Variants in VPS54 observed in about 807,000 individuals in gnomAD.
The protein encoded by VPS54 is VPS54 subunit of GARP complex.
VPS54 carries 45 observed loss-of-function variants against 121.5 expected under a neutral mutation model. That is an observed-to-expected ratio of 0.37 (90% CI 0.29 to 0.47). The LOEUF (loss-of-function observed/expected upper bound fraction) is 0.47, where lower values mean the gene tolerates loss of function less well. Ranked by LOEUF, VPS54 falls within the 20% of genes least tolerant of loss-of-function variation. The pLI is 0.99. For missense variants in VPS54, 1,090 were observed against 1,131.4 expected, an observed-to-expected ratio of 0.96 and a Z score of 0.52; for synonymous variants, 371 against 385.8, an observed-to-expected ratio of 0.96 and a Z score of 0.45.
At chr2:63,900,992 C>T (rs999413968) in intron 20 of VPS54, among the ~76,000 whole-genome samples, 1 of 152,158 alleles carries the variant, frequency 6.6e-6, no homozygotes, top group African/African-American at 2.4e-5. Context: ...GATCTCCTGA[C>T]CTCGTGATCC....
intron 22 of VPS54, among the ~76,000 whole-genome samples, chr2:63,895,391 T>C (rs1484250369): frequency 6.6e-6 from 1 of 151,962 alleles, no homozygotes; most frequent in East Asian, 1.9e-4. Context: ...GAGGTGGAGG[T>C]TGCAGTGAGC....
At chr2:63,925,716 G>T (rs1257028526) in intron 12 of VPS54, among the ~76,000 whole-genome samples, 3 of 152,194 alleles carry the variant, frequency 2.0e-5, no homozygotes, top group Non-Finnish European at 1.5e-5. Flanking sequence ...CTGTAATGCT[G>T]AACGAAAGAA....
chr2:63,937,995 A>G (rs998851400), intron 11 of VPS54, among the ~76,000 whole-genome samples: 2 of 151,596 alleles, frequency 1.3e-5, no homozygotes, highest in Admixed American at 6.6e-5. Context: ...ATAGAGACAG[A>G]AAGTAGAATG....
chr2:64,008,403 G>A (rs766382470), intron 1 of VPS54, among the ~76,000 whole-genome samples: 7 of 118,196 alleles, frequency 5.9e-5, no homozygotes, highest in East Asian at 2.0e-4. Flanking sequence ...GACAGAGCGC[G>A]ACTCCGTCTC....
intron 1 of VPS54, among the ~76,000 whole-genome samples, chr2:64,008,595 G>T (rs950092761): frequency 3.3e-5 from 5 of 152,130 alleles, no homozygotes; most frequent in African/African-American, 9.7e-5. Context: ...ACAGGACTTT[G>T]TCAGTCAACA....
At chr2:63,944,387 C>A (rs1674880562) in intron 10 of VPS54, among the ~76,000 whole-genome samples, 1 of 152,120 alleles carries the variant, frequency 6.6e-6, no homozygotes, top group East Asian at 1.9e-4. Context: ...TGACTGCTTC[C>A]CTCTACTCAA....
At chr2:63,967,891 A>C (rs766429243) in intron 5 of VPS54, among the ~76,000 whole-genome samples, 1 of 152,044 alleles carries the variant, frequency 6.6e-6, no homozygotes, top group African/African-American at 2.4e-5. Context: ...TTTTAAGCAA[A>C]AGATTACAGA....
At chr2:63,908,479 T>C (rs1462171406) in intron 20 of VPS54, among the ~76,000 whole-genome samples, 1 of 152,174 alleles carries the variant, frequency 6.6e-6, no homozygotes, top group African/African-American at 2.4e-5. Flanking sequence ...CTTGCAGTTA[T>C]ACTATCTGTA....
At chr2:63,949,278 T>C (rs1183461590) in intron 7 of VPS54, 115 bp from the exon 8 acceptor site, 4 of 1,004,072 alleles carry the variant, frequency 4.0e-6, no homozygotes, top group Non-Finnish European at 5.6e-6. Flanking sequence ...TGTGCAATAA[T>C]GCAATGTTTT....
chr2:63,901,698 C>T (rs551810754), intron 20 of VPS54, among the ~76,000 whole-genome samples: 2 of 152,230 alleles, frequency 1.3e-5, no homozygotes, highest in African/African-American at 4.8e-5. Flanking sequence ...ACTGGGGTCA[C>T]GGTGTGAAGC....
chr2:63,897,370 G>T, intron 22 of VPS54, 126 bp downstream of exon 22: 1 of 629,098 alleles, frequency 1.6e-6, no homozygotes, highest in Non-Finnish European at 2.7e-6. Flanking sequence ...AAACACAAAA[G>T]CTTGCTGATT....
intron 20 of VPS54, among the ~76,000 whole-genome samples, chr2:63,900,776 T>G (rs77414878): frequency 0.16 from 23,606 of 152,090 alleles, 2,376 homozygotes; most frequent in Middle Eastern, 0.25. Context: ...TTTTTTTTGA[T>G]TTTTTGAGAC....
chr2:63,917,795 AG>A (rs1388314863), intron 15 of VPS54, among the ~76,000 whole-genome samples: 1 of 151,994 alleles, frequency 6.6e-6, no homozygotes, highest in Non-Finnish European at 1.5e-5. Flanking sequence ...ATGGCCCTAA[AG>A]TCAGTCTGCC....
chr2:63,914,460 A>T (rs1272872632), intron 16 of VPS54, among the ~76,000 whole-genome samples, 173 bp from the exon 17 acceptor site: 1 of 152,220 alleles, frequency 6.6e-6, no homozygotes, highest in East Asian at 1.9e-4. Context: ...TTCTTGACTA[A>T]CACAAGACAA....
Position 63,920,579 on chromosome 2 carries a change from T to C in VPS54, c.1918A>G (p.Arg640Gly). The C allele has an allele frequency of 3.2e-6, 5 of 1,561,940 alleles. No individual in the cohort carries two copies. Among genetic ancestry groups the C allele is most frequent in the Non-Finnish European group, 4.3e-6 (5 of 1,156,404 alleles). Residue 640 changes from arginine (R) to glycine (G), a missense_variant, in exon 14 of 23, where the codon AGA becomes GGA. Physicochemically the swap from Arg to Gly is moderately radical, Grantham distance 125 (BLOSUM62 -2). This residue lies in a region of VPS54 where 801 missense variants were observed against 757.0 expected (regional missense o/e 1.06). Transcript: ENST00000272322. ...LNSMEFITLS[R>G]LMETFILDTE... ...TCTAAAATGAATGTTTCCATTAATC[T>C]AGAAAGTGTTATGAATTCCATGGAA...
intron 7 of VPS54, among the ~76,000 whole-genome samples, chr2:63,958,910 T>C (rs1305483936): frequency 6.6e-6 from 1 of 152,150 alleles, no homozygotes; most frequent in East Asian, 1.9e-4. Flanking sequence ...ATGACTAAAA[T>C]ATGGACTCTG....
At chr2:63,951,328 T>G (rs1675232841) in intron 7 of VPS54, among the ~76,000 whole-genome samples, 1 of 151,712 alleles carries the variant, frequency 6.6e-6, no homozygotes, top group African/African-American at 2.4e-5. Flanking sequence ...TTCTTGGGAG[T>G]ACTTCCAGCA....
intron 1 of VPS54, among the ~76,000 whole-genome samples, chr2:63,998,144 A>G (rs979804259): frequency 6.6e-6 from 1 of 152,176 alleles, no homozygotes; most frequent in Non-Finnish European, 1.5e-5. Context: ...GTGCATATAT[A>G]TTTACAATTG....
chr2:63,914,606 TTAAG>T (rs934010343), intron 16 of VPS54, among the ~76,000 whole-genome samples: 3 of 152,128 alleles, frequency 2.0e-5, no homozygotes, highest in Admixed American at 6.5e-5. Context: ...GGCATTCTTA[TTAAG>T]TAAGGGAGTC....
Sources: gnomAD v4.1 joint callset for allele counts (sites outside exome capture counted in the v4.1 genomes callset) on GRCh38, gnomAD v4.1.1 for gene constraint, gnomAD v4.1.1 regional missense constraint, MANE v1.5 for transcripts, NCBI Gene and HGNC (gene_info 2026-07-23, HGNC 2026-07-21) for gene names.